KIAA0825: variants seen among roughly 807,000 people sequenced by gnomAD.
The protein encoded by KIAA0825 is KIAA0825.
KIAA0825 carries 119 observed loss-of-function variants against 147.6 expected under a neutral mutation model. The observed-to-expected ratio is 0.81, with a 90% CI of 0.69 to 0.94. The LOEUF is 0.94. KIAA0825 is among the 40% of genes least tolerant of loss of function. The probability of loss-of-function intolerance (pLI) is 0.00; values close to 1 mark genes in which losing one functional copy is unlikely to be tolerated. For synonymous variants in KIAA0825, 470 were observed against 518.1 expected, an observed-to-expected ratio of 0.91 and a Z score of 1.26; for missense variants, 1,381 against 1,472.7, an observed-to-expected ratio of 0.94 and a Z score of 1.02.
chr5:94,287,626 G>GT (rs1777716471), intron 20 of KIAA0825, among the ~76,000 whole-genome samples: 1 of 152,116 alleles, frequency 6.6e-6, no homozygotes, highest in Non-Finnish European at 1.5e-5. Context: ...AATATAGGCT[G>GT]TTTCCTCTCA....
intron 18 of KIAA0825, among the ~76,000 whole-genome samples, 174 bp downstream of exon 18, chr5:94,391,361 T>C (rs903382526): frequency 6.6e-6 from 1 of 152,230 alleles, no homozygotes; most frequent in Non-Finnish European, 1.5e-5. Context: ...TGAAGCTTTT[T>C]CTGTATAAAT....
At chr5:94,206,070 A>G (rs190695323) in intron 20 of KIAA0825, among the ~76,000 whole-genome samples, 2 of 152,220 alleles carry the variant, frequency 1.3e-5, no homozygotes, top group Admixed American at 1.3e-4. Context: ...TCATCTCTAT[A>G]GTAATTTTTA....
intron 20 of KIAA0825, among the ~76,000 whole-genome samples, chr5:94,220,658 A>G (rs1277260975): frequency 6.6e-6 from 1 of 152,156 alleles, no homozygotes; most frequent in Non-Finnish European, 1.5e-5. Context: ...GCATATATAA[A>G]TGTATATGCT....
intron 4 of KIAA0825, 77 bp from the exon 5 acceptor site, chr5:94,520,994 A>T (rs1394496761): frequency 4.1e-6 from 5 of 1,228,280 alleles, no homozygotes; most frequent in Non-Finnish European, 5.5e-6. Flanking sequence ...ACAATTTCAT[A>T]ATAATTTCAG....
At chr5:94,344,845 A>G (rs1262169356) in intron 20 of KIAA0825, among the ~76,000 whole-genome samples, 1 of 152,180 alleles carries the variant, frequency 6.6e-6, no homozygotes, top group Non-Finnish European at 1.5e-5. Context: ...TTCCACTTAC[A>G]TGGGGTACCT....
At chr5:94,392,537 C>T (rs534551589) in intron 17 of KIAA0825, among the ~76,000 whole-genome samples, 15 of 152,154 alleles carry the variant, frequency 9.9e-5, no homozygotes, top group Non-Finnish European at 2.1e-4. Flanking sequence ...ATATTCCACA[C>T]TAATTTTCTT....
chr5:94,175,041 T>C (rs1290990195), intron 20 of KIAA0825, among the ~76,000 whole-genome samples: 1 of 152,162 alleles, frequency 6.6e-6, no homozygotes, highest in Non-Finnish European at 1.5e-5. Flanking sequence ...TTCTAGCCCT[T>C]CTTTATGAGG....
At chr5:94,277,852 T>G (rs943684667) in intron 20 of KIAA0825, among the ~76,000 whole-genome samples, 1 of 152,092 alleles carries the variant, frequency 6.6e-6, no homozygotes, top group African/African-American at 2.4e-5. Context: ...AGCAAAGACT[T>G]GGAACCAACC....
chr5:94,258,732 C>T (rs1468891594), intron 20 of KIAA0825, among the ~76,000 whole-genome samples: 1 of 151,814 alleles, frequency 6.6e-6, no homozygotes, highest in African/African-American at 2.4e-5. Flanking sequence ...AAAGCAATAC[C>T]AAAAGTTTTA....
chr5:94,224,976 C>G (rs1281598369), intron 20 of KIAA0825, among the ~76,000 whole-genome samples: 1 of 152,222 alleles, frequency 6.6e-6, no homozygotes, highest in Non-Finnish European at 1.5e-5. Context: ...TATCTCTCCA[C>G]TTTGTTCTAT....
chr5:94,570,320 C>A, intron 2 of KIAA0825: 1 of 154,046 alleles, frequency 6.5e-6, no homozygotes, highest in South Asian at 2.0e-4. Flanking sequence ...CCTGACTAAC[C>A]CCCTAAACAC....
At chr5:94,470,141 A>G in intron 9 of KIAA0825, 30 bp from the exon 10 acceptor site, 1 of 1,531,526 alleles carries the variant, frequency 6.5e-7, no homozygotes, top group Admixed American at 2.0e-5. Context: ...AAAGAGACAG[A>G]GATTTAAGGC....
In KIAA0825 at chr5:94,178,008, A is replaced by G. The variant is rs1769264515; in HGVS notation, c.3711-23884T>C. ...TCAGTATCCAAGTCTTCCATATTTC[A>G]ATAAGATTTACAGTTTTCTGATCCT... On this transcript the variant is annotated intron_variant, in intron 20 of 20. Coordinates refer to ENST00000682413, the MANE Select transcript of KIAA0825 (RefSeq NM_001145678.3). Among the ~76,000 whole-genome samples, 8 of 152,186 alleles carry G rather than the reference A, an allele frequency of 5.3e-5. No individual in the cohort carries two copies. The South Asian group carries it at 1.7e-3, about 32-fold the overall frequency.
At chr5:94,308,338 C>T (rs1048469641) in intron 20 of KIAA0825, among the ~76,000 whole-genome samples, 5 of 151,678 alleles carry the variant, frequency 3.3e-5, no homozygotes, top group South Asian at 2.1e-4. Flanking sequence ...AATTTAAGCA[C>T]TTACAGGAGA....
chr5:94,539,149 T>C (rs1261250403), intron 2 of KIAA0825, among the ~76,000 whole-genome samples: 1 of 152,112 alleles, frequency 6.6e-6, no homozygotes, highest in Non-Finnish European at 1.5e-5. Context: ...TAACCTCAGT[T>C]GTCCTCACTG....
intron 1 of KIAA0825, among the ~76,000 whole-genome samples, chr5:94,601,748 A>G (rs1468462395): frequency 2.0e-5 from 3 of 152,224 alleles, no homozygotes; most frequent in Non-Finnish European, 4.4e-5. Context: ...TAATGCAATC[A>G]CAAGTATTAA....
chr5:94,222,627 A>G (rs185007001), intron 20 of KIAA0825, among the ~76,000 whole-genome samples: 2 of 152,340 alleles, frequency 1.3e-5, no homozygotes, highest in Admixed American at 6.5e-5. Flanking sequence ...TTTGTGACCA[A>G]TGATCAGAAT....
At chr5:94,231,543 A>G (rs1466945868) in intron 20 of KIAA0825, among the ~76,000 whole-genome samples, 2 of 152,156 alleles carry the variant, frequency 1.3e-5, no homozygotes. Context: ...TTCACTAGGT[A>G]CATAAGAAAG....
chr5:94,443,055 A>G (rs1757286481), intron 13 of KIAA0825, among the ~76,000 whole-genome samples: 2 of 152,140 alleles, frequency 1.3e-5, no homozygotes, highest in Non-Finnish European at 2.9e-5. Context: ...ACCTGGTTAT[A>G]AATAAAATCT....
Sources: gnomAD v4.1 joint callset for allele counts (sites outside exome capture counted in the v4.1 genomes callset) on GRCh38, gnomAD v4.1.1 for gene constraint, MANE v1.5 for transcripts, NCBI Gene and HGNC (gene_info 2026-07-23, HGNC 2026-07-21) for gene names.